Variants in IGHMBP2 observed in about 807,000 individuals in gnomAD.
IGHMBP2 encodes the protein immunoglobulin mu DNA binding protein 2, also known as DNA-binding protein SMUBP-2.
Under a neutral mutation model 96.0 loss-of-function variants are expected in IGHMBP2, and 81 were observed. The observed-to-expected ratio is 0.84, with a 90% CI of 0.71 to 1.01. The LOEUF is 1.01. Among genes scored for constraint, IGHMBP2 ranks in the 50% least tolerant of loss-of-function variants. The pLI is 0.00. For synonymous variants in IGHMBP2, 557 were observed against 548.9 expected (o/e 1.01, Z -0.21); for missense variants, 1,227 against 1,306.3 (o/e 0.94, Z 0.94).
Position 68,936,993 on chromosome 11 carries a change from T to G in IGHMBP2, c.2513T>G (p.Leu838Arg), listed in dbSNP as rs755843076. 1.2e-6 allele frequency: 2 copies of G among 1,609,394 alleles called. No homozygotes were observed. Among genetic ancestry groups the G allele is most frequent in the Non-Finnish European group, 1.7e-6 (2 of 1,179,192 alleles). Residue 838 changes from leucine (L) to arginine (R), a missense_variant, in exon 13 of 15, where the codon CTG becomes CGG. Coordinates refer to ENST00000255078, the MANE Select transcript of IGHMBP2 (RefSeq NM_002180.3). ...CTGAGGACGCTGCACCTGGAGAGAC[T>G]GCAGAGGGTCAGGAGCGCGCAGGGG... is the stretch of plus-strand genomic sequence containing the variant. ...PDLRTLHLER[L>R]QRVRSAQGQP...
In IGHMBP2 at chr11:68,939,708, C is replaced by T. The variant is rs1440519538; in HGVS notation, c.2959C>T (p.Arg987Trp). ...LSELSNQRTS[R>W]RKERGT ...TGAGCTCAGCAACCAGAGGACCAGC[C>T]GGAGGAAGGAGAGGGGGACGTGACC... Residue 987 changes from arginine to tryptophan, a missense_variant, in exon 15 of 15, where the codon CGG (arginine) becomes TGG (tryptophan). Around this residue, in one of 3 missense-constraint regions of IGHMBP2, gnomAD observed 703 missense variants for 770.3 expected, o/e 0.91. Coordinates refer to ENST00000255078, the MANE Select transcript of IGHMBP2 (RefSeq NM_002180.3). 1.1e-5 allele frequency: 18 copies of T among 1,611,370 alleles called. No individual in the cohort carries two copies. Among genetic ancestry groups the T allele is most frequent in the Non-Finnish European group, 1.4e-5 (16 of 1,179,256 alleles).
At chr11:68,924,503 T>C (rs1393361289) in intron 7 of IGHMBP2, among the ~76,000 whole-genome samples, 1 of 152,218 alleles carries the variant, frequency 6.6e-6, no homozygotes, top group Admixed American at 6.5e-5. Flanking sequence ...GGGGCTGCAG[T>C]CTCATCTGAA....
chr11:68,916,680 T>A (rs558122128), intron 6 of IGHMBP2, among the ~76,000 whole-genome samples: 19 of 152,120 alleles, frequency 1.2e-4, no homozygotes, highest in Admixed American at 1.2e-3. Flanking sequence ...AGCCAGTCTT[T>A]GCTATGGGCC....
intron 3 of IGHMBP2, 64 bp downstream of exon 3, chr11:68,908,401 C>T: frequency 3.3e-6 from 5 of 1,530,058 alleles, no homozygotes; most frequent in Non-Finnish European, 4.5e-6. Context: ...TCCATTCTTA[C>T]ATGCCTGTCG....
At chr11:68,904,797 CT>C (rs1566422109) in intron 1 of IGHMBP2, among the ~76,000 whole-genome samples, 8 of 86,716 alleles carry the variant, frequency 9.2e-5, no homozygotes, top group African/African-American at 3.1e-4. Context: ...TCTTTTTTTT[CT>C]TTTTCTTTTT....
At chr11:68,929,378 A>G (rs770113281) in intron 8 of IGHMBP2, 21 bp downstream of exon 8, 4 of 1,608,576 alleles carry the variant, frequency 2.5e-6, no homozygotes, top group Non-Finnish European at 3.4e-6. Flanking sequence ...TTTGCCTCAC[A>G]TGCCCTTCTC....
Position 68,933,498 on chromosome 11 carries a change from C to T in IGHMBP2, c.1418+17C>T, listed in dbSNP as rs1362955983. On this transcript the variant is annotated intron_variant, in intron 9 of 14. Transcript: ENST00000255078. ...CCTCCTGAGGTGAGTAGCTCGGCAC[C>T]ACCCGCCGCCCCATCCTTCTGCCCT... The T allele has an allele frequency of 6.9e-6, 11 of 1,605,270 alleles. No individual in the cohort carries two copies. The highest frequency in any genetic ancestry group is 2.7e-5 in the African/African-American group (2 of 74,832).
chr11:68,933,980 G>T lies in IGHMBP2; in HGVS notation c.1537+67G>T, dbSNP rs1262002176. On this transcript the variant is annotated intron_variant, in intron 10 of 14. Transcript: ENST00000255078. ...ACCTCCAGCTCTTTAAAAATAAAAG[G>T]CACTTTAATTGCCTAATTCCGGGAG... is the stretch of plus-strand genomic sequence containing the variant. 7.9e-6 allele frequency: 9 copies of T among 1,140,062 alleles called. No homozygotes were observed. The South Asian group carries it at 1.2e-4, about 15-fold the overall frequency. The allele number at this position is 1,140,062 out of a possible 1,614,324, so 70.6% of individuals were successfully genotyped here.
In IGHMBP2 at chr11:68,933,523, TG is replaced by T. The variant is rs749169124; in HGVS notation, c.1418+44del. On this transcript the variant is annotated intron_variant, in intron 9 of 14. Transcript: ENST00000255078. ...CACCCGCCGCCCCATCCTTCTGCCCTGGCTAATCCTCTGCGTCACCTGTTTC... is the reference window on the plus strand; with the variant it reads ...CACCCGCCGCCCCATCCTTCTGCCCTGCTAATCCTCTGCGTCACCTGTTTC... 2.0e-5 allele frequency: 32 copies of T among 1,585,030 alleles called. 2 individuals carry two copies. In the South Asian group the frequency reaches 3.6e-4, roughly 18 times the overall value.
At position 68,933,865 on chromosome 11, in the gene IGHMBP2, G is replaced by A. The variant is rs764111837; in HGVS notation, c.1489G>A (p.Gly497Arg). 1.1e-5 allele frequency: 17 copies of A among 1,606,110 alleles called. No homozygotes were observed. Among genetic ancestry groups the A allele is most frequent in the Non-Finnish European group, 5.1e-6 (6 of 1,176,204 alleles). ...GCTCTTGGTGGACACCGCCGGCTGC[G>A]GGCTGTTTGAGCTGGAGGAGGAGGA... The part of the protein sequence containing the change: ...PLLLVDTAGC[G>R]LFELEEEDEQ... Residue 497 changes from glycine (G) to arginine (R), a missense_variant, in exon 10 of 15, where the codon GGG (glycine) becomes AGG (arginine). This residue lies in a region of IGHMBP2 where 703 missense variants were observed against 770.3 expected (regional missense o/e 0.91). Coordinates refer to ENST00000255078, the MANE Select transcript of IGHMBP2 (RefSeq NM_002180.3).
In IGHMBP2 at chr11:68,940,372, C is replaced by T. The variant is rs1225379802; in HGVS notation, c.*641C>T. Reference sequence around the variant, plus strand: ...CCTGTGCCAGCCCCTCCTTGTTGCGCCTCACCGTGGGGACCAGGTGAGCCG... The same window carrying T: ...CCTGTGCCAGCCCCTCCTTGTTGCGTCTCACCGTGGGGACCAGGTGAGCCG... On this transcript the variant is annotated 3_prime_UTR_variant, in exon 15 of 15. Transcript: ENST00000255078. 6.6e-6 allele frequency: 1 copy of T among 152,456 alleles called. No homozygotes were observed. Among genetic ancestry groups the T allele is most frequent in the Non-Finnish European group, 1.5e-5 (1 of 68,318 alleles). The allele number at this position is 152,456 out of a possible 1,614,324, so 9.4% of individuals were successfully genotyped here.
At position 68,914,967 on chromosome 11, in the gene IGHMBP2, C is replaced by G; in HGVS notation, c.856C>G (p.Arg286Gly). ...QQHSLDAVLA[R>G]SDSAQIVADI... Reference sequence around the variant, plus strand: ...GCACTCCCTGGATGCGGTTTTAGCGCGGAGCGACAGTGCCCAGATTGTTGC... The same window carrying G: ...GCACTCCCTGGATGCGGTTTTAGCGGGGAGCGACAGTGCCCAGATTGTTGC... The change falls in exon 6 of 15, where the codon CGG becomes GGG. Residue 286 changes from arginine (R) to glycine (G), a missense_variant. By Grantham distance (125) the Arg-to-Gly change is moderately radical. Transcript: ENST00000255078. The G allele has an allele frequency of 1.9e-6, 3 of 1,614,134 alleles. No individual in the cohort carries two copies. The highest frequency in any genetic ancestry group is 2.5e-6 in the Non-Finnish European group (3 of 1,180,038).
chr11:68,929,725 G>T (rs1859201564), intron 8 of IGHMBP2: 28 of 985,336 alleles, frequency 2.8e-5, no homozygotes, highest in Non-Finnish European at 3.3e-5. Context: ...GTGGATGTGG[G>T]TTCTTTAGTC....
At chr11:68,939,418 A>G (rs1594459575) in intron 14 of IGHMBP2, 116 bp from the exon 15 acceptor site, 1 of 1,019,118 alleles carries the variant, frequency 9.8e-7, no homozygotes. Context: ...ACATGGCGGG[A>G]GGAGTGGCCT....
chr11:68,934,663 A>G, intron 11 of IGHMBP2, 105 bp downstream of exon 11: 1 of 886,242 alleles, frequency 1.1e-6, no homozygotes, highest in Non-Finnish European at 1.8e-6. Flanking sequence ...CGAAAAGTTC[A>G]GGGGTAGGGC....
At chr11:68,938,474 G>T (rs1859639704) in intron 14 of IGHMBP2, 120 bp downstream of exon 14, 3 of 807,192 alleles carry the variant, frequency 3.7e-6, no homozygotes, top group Non-Finnish European at 1.9e-6. Flanking sequence ...ACAATCTCCA[G>T]ATACCTTCAG....
intron 5 of IGHMBP2, among the ~76,000 whole-genome samples, chr11:68,912,996 C>G (rs573917204): frequency 1.5e-5 from 2 of 136,876 alleles, no homozygotes; most frequent in Admixed American, 1.6e-4. Context: ...GAACTGAGAT[C>G]GCACCATTGC....
Position 68,936,710 on chromosome 11 carries a change from T to G in IGHMBP2, c.2230T>G (p.Leu744Val). The G allele has an allele frequency of 6.2e-7, 1 of 1,614,054 alleles. No individual in the cohort carries two copies. The highest frequency in any genetic ancestry group is 8.5e-7 in the Non-Finnish European group (1 of 1,180,038). The change falls in exon 13 of 15, where the codon TTG becomes GTG. Residue 744 changes from leucine (L) to valine (V), a missense_variant. This residue lies in a region of IGHMBP2 where 703 missense variants were observed against 770.3 expected (regional missense o/e 0.91). Coordinates refer to ENST00000255078, the MANE Select transcript of IGHMBP2 (RefSeq NM_002180.3). ...GTTCATGGCCAGCAAGAAGATGCAGTTGGAGTTTCCTCCTTCCCTCAATTC... is the reference window on the plus strand; with the variant it reads ...GTTCATGGCCAGCAAGAAGATGCAGGTGGAGTTTCCTCCTTCCCTCAATTC... ...VEFMASKKMQ[L>V]EFPPSLNSHD...
chr11:68,934,024 G>C (rs1389871918), intron 10 of IGHMBP2, 111 bp downstream of exon 10: 2 of 822,280 alleles, frequency 2.4e-6, no homozygotes, highest in African/African-American at 3.4e-5. Context: ...AGCAGTTGTT[G>C]ATGGCCGTGA....
Sources: gnomAD v4.1 joint callset for allele counts (sites outside exome capture counted in the v4.1 genomes callset) on GRCh38, gnomAD v4.1.1 for gene constraint, gnomAD v4.1.1 regional missense constraint, MANE v1.5 for transcripts, NCBI Gene and HGNC (gene_info 2026-07-23, HGNC 2026-07-21) for gene names.